Variants in IBTK observed in about 807,000 individuals in gnomAD.
IBTK encodes the protein inhibitor of Bruton tyrosine kinase.
IBTK carries 83 observed loss-of-function variants against 154.9 expected under a neutral mutation model. The observed-to-expected ratio is 0.54, with a 90% CI of 0.45 to 0.64. The LOEUF is 0.64. Among genes scored for constraint, IBTK ranks in the 30% least tolerant of loss-of-function variants. The pLI, the probability that IBTK is intolerant of heterozygous loss-of-function variation, is 0.00. For synonymous variants in IBTK, 515 were observed against 536.1 expected (o/e 0.96, Z 0.54); for missense variants, 1,332 against 1,584.6 (o/e 0.84, Z 2.71).
intron 21 of IBTK, 48 bp downstream of exon 21, chr6:82,200,093 G>A: frequency 1.8e-6 from 2 of 1,138,096 alleles, no homozygotes; most frequent in South Asian, 2.6e-5. Flanking sequence ...TATGTGAATA[G>A]AGACATAGAA....
Position 82,191,871 on chromosome 6 carries a change from C to A in IBTK, c.3347G>T (p.Ser1116Ile), listed in dbSNP as rs1207305692. ...AGTTCTGAGATCCACAACAGGAGGGCTGACAGGACTAAAAGACATAAAAGG... is the reference window on the plus strand; with the variant it reads ...AGTTCTGAGATCCACAACAGGAGGGATGACAGGACTAAAAGACATAAAAGG... Reference protein sequence around the residue: ...SWVAGSFSPVSPPVVDLRTIM... With the variant: ...SWVAGSFSPVIPPVVDLRTIM... The change falls in exon 24 of 29, where the codon AGC becomes ATC. Residue 1116 changes from serine to isoleucine, a missense_variant. Physicochemically the swap from Ser to Ile is moderately radical, Grantham distance 142. This residue lies in a region of IBTK where 1,134 missense variants were observed against 1,274.7 expected (regional missense o/e 0.89). Coordinates refer to ENST00000306270, the MANE Select transcript of IBTK (RefSeq NM_015525.4). 2 of 1,603,924 alleles carry A rather than the reference C, an allele frequency of 1.2e-6. No homozygotes were observed. Among genetic ancestry groups the A allele is most frequent in the Non-Finnish European group, 1.7e-6 (2 of 1,172,112 alleles).
chr6:82,192,528 CCT>C (rs1768805685), intron 23 of IBTK, among the ~76,000 whole-genome samples: 1 of 151,930 alleles, frequency 6.6e-6, no homozygotes, highest in African/African-American at 2.4e-5. Flanking sequence ...GGGTGGATCA[CCT>C]GAGGTCAGGA....
chr6:82,194,364 G>T, intron 23 of IBTK, 115 bp downstream of exon 23: 1 of 828,960 alleles, frequency 1.2e-6, no homozygotes, highest in Non-Finnish European at 1.7e-6. Flanking sequence ...AATTTTCTGT[G>T]CATTAGAAAT....
chr6:82,201,609 A>G (rs1769214353), intron 18 of IBTK, 127 bp from the exon 19 acceptor site: 1 of 538,634 alleles, frequency 1.9e-6, no homozygotes, highest in South Asian at 3.5e-5. Context: ...CATTATATAT[A>G]GCAGTTGCTA....
intron 4 of IBTK, among the ~76,000 whole-genome samples, 167 bp from the exon 5 acceptor site, chr6:82,227,469 G>T (rs1248329239): frequency 2.0e-5 from 3 of 151,866 alleles, no homozygotes; most frequent in Non-Finnish European, 4.4e-5. Context: ...AAAAATAAAA[G>T]ATACATATGC....
intron 17 of IBTK, among the ~76,000 whole-genome samples, chr6:82,203,484 G>T (rs1412940159): frequency 6.6e-6 from 1 of 152,076 alleles, no homozygotes; most frequent in Admixed American, 6.5e-5. Context: ...GTCAATAATG[G>T]TCTCTGTCTC....
In IBTK at chr6:82,223,267, A is replaced by T. The variant is rs553708742; in HGVS notation, c.1124+173T>A. Among the ~76,000 whole-genome samples the T allele has an allele frequency of 5.3e-5, 8 of 152,340 alleles. No homozygotes were observed. The South Asian group carries it at 1.7e-3, about 32-fold the overall frequency. On this transcript the variant is annotated intron_variant, in intron 8 of 28. Transcript: ENST00000306270. Reference sequence around the variant, plus strand: ...TTACACAGAAATTTTATATATATTCACTGGATCCATGCCAAAAGACAAAAA... The same window carrying T: ...TTACACAGAAATTTTATATATATTCTCTGGATCCATGCCAAAAGACAAAAA...
chr6:82,231,955 A>T, intron 3 of IBTK, 113 bp from the exon 4 acceptor site: 1 of 564,508 alleles, frequency 1.8e-6, no homozygotes, highest in Non-Finnish European at 3.0e-6. Flanking sequence ...GAATATATTA[A>T]TATGATATTA....
At chr6:82,173,345 A>C (rs1235517268) in intron 27 of IBTK, 22 bp downstream of exon 27, 1 of 1,580,786 alleles carries the variant, frequency 6.3e-7, no homozygotes, top group African/African-American at 1.3e-5. Context: ...TTGGAGGCCC[A>C]TAACTTATCA....
intron 8 of IBTK, among the ~76,000 whole-genome samples, chr6:82,223,142 T>C (rs1045275998): frequency 3.3e-5 from 5 of 152,056 alleles, no homozygotes; most frequent in Non-Finnish European, 7.4e-5. Flanking sequence ...AGAATTATGA[T>C]TAATCTATTT....
intron 4 of IBTK, among the ~76,000 whole-genome samples, chr6:82,229,271 GCTTTCT>G (rs1291813895): frequency 5.3e-5 from 8 of 152,112 alleles, no homozygotes; most frequent in Admixed American, 5.2e-4. Flanking sequence ...CTGAAATGTG[GCTTTCT>G]CTTTGAGTAC....
chr6:82,191,798 C>T lies in IBTK; in HGVS notation c.3420G>A (p.Lys1140=), dbSNP rs768337210. 3.8e-6 allele frequency: 6 copies of T among 1,594,948 alleles called. 1 individual carries two copies. The South Asian group carries it at 6.6e-5, about 18-fold the overall frequency. The change falls in exon 24 of 29, where the codon AAG becomes AAA. Residue 1140 remains lysine (K), a synonymous_variant. Transcript: ENST00000306270. ...ESRQKCGATP[K]SHLGKTVSHG... is the part of the protein sequence containing the mutation. ...TGTTTTCAACCCACCCTAAATGTGA[C>T]TTTGGTGTAGCTCCACATTTTTGTC...
Position 82,181,990 on chromosome 6 carries a change from C to T in IBTK, c.3614G>A (p.Arg1205Gln), listed in dbSNP as rs551533488. ...CTTTTTTTCTTCTAGTAAGAAATCC[C>T]GGAATGACTTGGATGAAACTGAATG... ...SLHSVSSKSF[R>Q]DFLLEEKKSV... Residue 1205 changes from arginine to glutamine, a missense_variant, in exon 26 of 29, where the codon CGG becomes CAG. Around this residue, in one of 3 missense-constraint regions of IBTK, gnomAD observed 1,134 missense variants for 1,274.7 expected, o/e 0.89. Transcript: ENST00000306270. 14 of 1,605,786 alleles carry T rather than the reference C, an allele frequency of 8.7e-6. No homozygotes were observed. The highest frequency in any genetic ancestry group is 7.0e-5 in the Admixed American group (4 of 57,300).
chr6:82,196,427 C>T lies in IBTK; in HGVS notation c.3045G>A (p.Lys1015=), dbSNP rs757016766. The T allele has an allele frequency of 1.2e-6, 2 of 1,603,288 alleles. No individual in the cohort carries two copies. The highest frequency in any genetic ancestry group is 2.7e-5 in the African/African-American group (2 of 74,420). ...CTGGAAGAGATTCCACAGAATTGGT[C>T]TTACCAGACTTTAATAATCCTAAAA... The part of the protein sequence containing the change: ...PSSTGLLKSG[K]TNSVESLPEL... Residue 1015 remains lysine (K), a synonymous_variant, in exon 22 of 29, where the codon AAG becomes AAA. Transcript: ENST00000306270.
intron 10 of IBTK, among the ~76,000 whole-genome samples, chr6:82,217,301 TTA>T: frequency 6.6e-6 from 1 of 152,258 alleles, no homozygotes; most frequent in East Asian, 1.9e-4. Flanking sequence ...TAACTCTATT[TTA>T]GTCTTATGAG....
intron 2 of IBTK, 26 bp downstream of exon 2, chr6:82,240,140 G>A (rs766467491): frequency 6.1e-5 from 95 of 1,562,254 alleles, no homozygotes; most frequent in Non-Finnish European, 7.5e-5. Flanking sequence ...GACTAAATAC[G>A]TTTAAAATAA....
intron 25 of IBTK, among the ~76,000 whole-genome samples, chr6:82,189,517 A>G (rs1768683306): frequency 6.6e-6 from 1 of 152,318 alleles, no homozygotes; most frequent in East Asian, 1.9e-4. Context: ...GTTGTGCTAC[A>G]TCAAAACAAG....
At chr6:82,218,647 A>T (rs1403974238) in intron 9 of IBTK, among the ~76,000 whole-genome samples, 1 of 152,186 alleles carries the variant, frequency 6.6e-6, no homozygotes, top group East Asian at 1.9e-4. Flanking sequence ...GGTTCTGCAA[A>T]CCTCAGAGTC....
chr6:82,189,524 C>T (rs1002979736), intron 25 of IBTK, among the ~76,000 whole-genome samples: 7 of 152,016 alleles, frequency 4.6e-5, no homozygotes, highest in African/African-American at 1.2e-4. Flanking sequence ...TACATCAAAA[C>T]AAGGAGTGTA....
Sources: allele counts gnomAD v4.1 joint callset (sites outside exome capture counted in the v4.1 genomes callset), GRCh38; gene constraint gnomAD v4.1.1; regional missense constraint gnomAD v4.1.1; transcripts MANE v1.5; gene names NCBI Gene and HGNC (gene_info 2026-07-23, HGNC 2026-07-21).